Variants in FAT4 observed in about 807,000 individuals in gnomAD.
FAT4 encodes FAT atypical cadherin 4.
Under a neutral mutation model 303.9 loss-of-function variants are expected in FAT4, and 84 were observed. The ratio of observed to expected loss-of-function variants is 0.28; its 90% CI spans 0.23 to 0.33. The LOEUF (loss-of-function observed/expected upper bound fraction) is 0.33. FAT4 is among the 10% of genes least tolerant of loss of function. The pLI is 1.00. For synonymous variants in FAT4, 2,307 were observed against 2,298.8 expected, an observed-to-expected ratio of 1.00 and a Z score of -0.10; for missense variants, 6,005 against 6,146.8, an observed-to-expected ratio of 0.98 and a Z score of 0.77.
In FAT4 at chr4:125,316,925, C is replaced by T. The variant is rs372170599; in HGVS notation, c.514C>T (p.Arg172Cys). 1.5e-5 allele frequency: 24 copies of T among 1,613,788 alleles called. No individual in the cohort carries two copies. Among genetic ancestry groups the T allele is most frequent in the East Asian group, 2.2e-5 (1 of 44,878 alleles). Reference sequence around the variant, plus strand: ...CATCGGCTCAAACGGTGTGGACCACCGCTCCTACCGCATCATCCGCGGCAA... The same window carrying T: ...CATCGGCTCAAACGGTGTGGACCACTGCTCCTACCGCATCATCCGCGGCAA... ...SDIGSNGVDH[R>C]SYRIIRGNEA... The change falls in exon 2 of 18, where the codon CGC becomes TGC. Residue 172 changes from arginine to cysteine, a missense_variant. Arg to Cys is a radical substitution (Grantham distance 180). Coordinates refer to ENST00000394329, the MANE Select transcript of FAT4 (RefSeq NM_001291303.3). This position sits in a 1 kb window ranked among gnomAD's most constrained non-coding sequence, Gnocchi z 5.7.
Position 125,466,599 on chromosome 4 carries a change from A to G in FAT4, c.11906-1913A>G, listed in dbSNP as rs570897705. Among the ~76,000 whole-genome samples, 709 of 133,100 alleles carry G rather than the reference A, an allele frequency of 5.3e-3. 4 individuals carry two copies. Among genetic ancestry groups the G allele is most frequent in the Non-Finnish European group, 8.8e-3 (558 of 63,196 alleles). 87.3% of individuals were successfully genotyped at this position (133,100 alleles called of 152,430 possible). On this transcript the variant is annotated intron_variant, in intron 11 of 17. Transcript: ENST00000394329. Reference sequence around the variant, plus strand: ...ACAGAAATGTATAAAATACAAATACAAATTCTACAGGATAGATATAAGTAT... The same window carrying G: ...ACAGAAATGTATAAAATACAAATACGAATTCTACAGGATAGATATAAGTAT...
In FAT4 at chr4:125,398,955, T is replaced by C. The variant is rs569179408; in HGVS notation, c.5307+40T>C. 1,168 of 1,600,844 alleles carry C rather than the reference T, an allele frequency of 7.3e-4. 15 individuals are homozygous for C. In the South Asian group the frequency reaches 0.012, roughly 16 times the overall value. ...TCTCTGAATTTGTGAAACTTCGTAGTGCAGTGATTTATCAAATTTCTAGGA... is the reference window on the plus strand; with the variant it reads ...TCTCTGAATTTGTGAAACTTCGTAGCGCAGTGATTTATCAAATTTCTAGGA... On this transcript the variant is annotated intron_variant, in intron 3 of 17. Transcript: ENST00000394329.
intron 8 of FAT4, among the ~76,000 whole-genome samples, chr4:125,445,462 C>G (rs1388302458): frequency 6.6e-6 from 1 of 152,036 alleles, no homozygotes; most frequent in Non-Finnish European, 1.5e-5. Flanking sequence ...AAGAAGAAAA[C>G]TTTTAAAGAT....
chr4:125,316,921 C>T lies in FAT4; in HGVS notation c.510C>T (p.Asp170=). 1 of 1,613,942 alleles carries T rather than the reference C, an allele frequency of 6.2e-7. No individual in the cohort carries two copies. The change falls in exon 2 of 18, where the codon GAC becomes GAT. Residue 170 remains aspartate, a synonymous_variant. Transcript: ENST00000394329. The surrounding 1 kb of genome is among the most constrained non-coding windows in gnomAD (Gnocchi z 5.7). ...CGGACATCGGCTCAAACGGTGTGGACCACCGCTCCTACCGCATCATCCGCG... is the reference window on the plus strand; with the variant it reads ...CGGACATCGGCTCAAACGGTGTGGATCACCGCTCCTACCGCATCATCCGCG... ...TDSDIGSNGV[D]HRSYRIIRGN...
At chr4:125,441,802 C>T (rs1314746638) in intron 8 of FAT4, among the ~76,000 whole-genome samples, 1 of 152,142 alleles carries the variant, frequency 6.6e-6, no homozygotes, top group African/African-American at 2.4e-5. Context: ...CAACATATGG[C>T]CAAAAGTTCA....
chr4:125,448,909 G>C lies in FAT4; in HGVS notation c.7899G>C (p.Lys2633Asn), dbSNP rs763676237. The change falls in exon 10 of 18, where the codon AAG (lysine) becomes AAC (asparagine). Residue 2633 changes from lysine (K) to asparagine (N), a missense_variant. Lys to Asn is a moderately conservative substitution (Grantham distance 94). Coordinates refer to ENST00000394329, the MANE Select transcript of FAT4 (RefSeq NM_001291303.3). ...VSISQPLDFE[K>N]IQKYVVWIEA... Reference sequence around the variant, plus strand: ...TTAGTCAACCTCTGGATTTTGAAAAGATACAAAAATATGTTGTATGGATAG... The same window carrying C: ...TTAGTCAACCTCTGGATTTTGAAAACATACAAAAATATGTTGTATGGATAG... The C allele has an allele frequency of 1.9e-6, 3 of 1,611,964 alleles. No homozygotes were observed. The African/African-American group carries it at 4.0e-5, about 22-fold the overall frequency.
Position 125,416,589 on chromosome 4 carries a change from C to A in FAT4, c.6985C>A (p.Arg2329Ser), listed in dbSNP as rs148293496. The A allele has an allele frequency of 1.2e-6, 2 of 1,613,778 alleles. No individual in the cohort carries two copies. The highest frequency in any genetic ancestry group is 1.7e-6 in the Non-Finnish European group (2 of 1,179,828). Residue 2329 changes from arginine (R) to serine (S), a missense_variant, in exon 7 of 18, where the codon CGC becomes AGC. Transcript: ENST00000394329. Reference protein sequence around the residue: ...TQSLDRETKERFVLMITATDS... With the variant: ...TQSLDRETKESFVLMITATDS... ...GAGTCTGGATCGGGAAACAAAAGAG[C>A]GCTTTGTCTTAATGATTACAGCTAC...
At position 125,452,820 on chromosome 4, in the gene FAT4, C is replaced by A; in HGVS notation, c.11800+10C>A. On this transcript the variant is annotated intron_variant, in intron 10 of 17. Transcript: ENST00000394329. ...AAAACTGGATACACAGGTATGACAA[C>A]GTTTGTACTTTTCTCACTAAGACTT... The A allele has an allele frequency of 2.5e-6, 4 of 1,586,202 alleles. No individual in the cohort carries two copies. The highest frequency in any genetic ancestry group is 2.6e-6 in the Non-Finnish European group (3 of 1,166,128).
rs369893079 is a variant in FAT4 at position 125,406,960 on chromosome 4, G to A, written c.5388G>A (p.Leu1796=). Residue 1796 remains leucine, a synonymous_variant, in exon 4 of 18, where the codon CTG becomes CTA. Coordinates refer to ENST00000394329, the MANE Select transcript of FAT4 (RefSeq NM_001291303.3). ...GCATCGACCCAGAATCCGGAGATCTGATAGCAACCAGGCGGTTGGACAGGG... is the reference window on the plus strand; with the variant it reads ...GCATCGACCCAGAATCCGGAGATCTAATAGCAACCAGGCGGTTGGACAGGG... ...SFRIDPESGD[L]IATRRLDRER... is the part of the protein sequence containing the mutation. 1.9e-6 allele frequency: 3 copies of A among 1,613,758 alleles called. No individual in the cohort carries two copies. The highest frequency in any genetic ancestry group is 2.5e-6 in the Non-Finnish European group (3 of 1,179,888).
chr4:125,487,371 A>G lies in FAT4; in HGVS notation c.12849A>G (p.Thr4283=), dbSNP rs1414686092. Residue 4283 remains threonine, a synonymous_variant, in exon 17 of 18, where the codon ACA becomes ACG. Coordinates refer to ENST00000394329, the MANE Select transcript of FAT4 (RefSeq NM_001291303.3). Reference sequence around the variant, plus strand: ...TTAAGAATGGCAAAGTATATTTTACATCCGATGCAGGAATTGCTGGGAAAG... The same window carrying G: ...TTAAGAATGGCAAAGTATATTTTACGTCCGATGCAGGAATTGCTGGGAAAG... ...VKIKNGKVYF[T]SDAGIAGKVE... is the part of the protein sequence containing the mutation. 5.0e-6 allele frequency: 8 copies of G among 1,613,712 alleles called. No individual in the cohort carries two copies. Among genetic ancestry groups the G allele is most frequent in the African/African-American group, 1.3e-5 (1 of 75,044 alleles).
At chr4:125,407,559 C>G (rs1349466196) in intron 4 of FAT4, among the ~76,000 whole-genome samples, 1 of 151,898 alleles carries the variant, frequency 6.6e-6, no homozygotes, top group Non-Finnish European at 1.5e-5. Context: ...TAATTCATTT[C>G]TCTTAGTTTC....
At chr4:125,480,232 G>A (rs1455844843) in intron 15 of FAT4, among the ~76,000 whole-genome samples, 6 of 151,392 alleles carry the variant, frequency 4.0e-5, no homozygotes, top group South Asian at 2.1e-4. Flanking sequence ...GTGAATTTTT[G>A]TGCATAAAAA....
chr4:125,355,416 G>T (rs1182181321), intron 2 of FAT4, among the ~76,000 whole-genome samples: 1 of 151,900 alleles, frequency 6.6e-6, no homozygotes, highest in Non-Finnish European at 1.5e-5. Flanking sequence ...AATGCATGTA[G>T]GTAAATGGAA....
rs777384285 is a variant in FAT4, at chr4:125,321,504, G to A, written c.5093G>A (p.Arg1698Gln). The change falls in exon 2 of 18, where the codon CGG (arginine) becomes CAG (glutamine). Residue 1698 changes from arginine (R) to glutamine (Q), a missense_variant. By Grantham distance (43) the Arg-to-Gln change is conservative. Transcript: ENST00000394329. ...GIIQTAAILD[R>Q]EQGACLYLVD... ...ATTCAGACCGCAGCCATTCTGGACC[G>A]GGAGCAAGGAGCATGTCTTTACCTG... is the stretch of plus-strand genomic sequence containing the variant. 1.2e-5 allele frequency: 19 copies of A among 1,613,932 alleles called. No homozygotes were observed. The highest frequency in any genetic ancestry group is 1.6e-4 in the Middle Eastern group (1 of 6,084).
rs1194733742 is a variant in FAT4 at position 125,434,289 on chromosome 4, G to C, written c.7063G>C (p.Asp2355His). The change falls in exon 8 of 18, where the codon GAT (aspartate) becomes CAT (histidine). Residue 2355 changes from aspartate to histidine, a missense_variant. By Grantham distance (81) the Asp-to-His change is moderately conservative. Coordinates refer to ENST00000394329, the MANE Select transcript of FAT4 (RefSeq NM_001291303.3). The part of the protein sequence containing the change: ...TGTGTINVIV[D>H]DVNDNVPTFA... The stretch of plus-strand genomic sequence containing the variant: ...AACTGGAACAATCAACGTCATAGTA[G>C]ATGATGTCAATGACAATGTCCCCAC... The C allele has an allele frequency of 6.2e-7, 1 of 1,613,988 alleles. No homozygotes were observed. The highest frequency in any genetic ancestry group is 8.5e-7 in the Non-Finnish European group (1 of 1,179,924).
intron 11 of FAT4, 57 bp from the exon 12 acceptor site, chr4:125,468,455 T>C (rs954482030): frequency 1.2e-4 from 150 of 1,218,000 alleles, no homozygotes; most frequent in Non-Finnish European, 1.5e-4. Context: ...TTAATCAAAA[T>C]ATATAATAAA....
intron 2 of FAT4, among the ~76,000 whole-genome samples, chr4:125,394,860 T>C (rs1167188711): frequency 6.6e-6 from 1 of 152,200 alleles, no homozygotes; most frequent in Admixed American, 6.5e-5. Flanking sequence ...TTCCCAGGGA[T>C]GACTGCTTCT....
Position 125,451,657 on chromosome 4 carries a change from C to T in FAT4, c.10647C>T (p.Tyr3549=). ...LPPNQGPFTY[Y]LLSTGPATSY... ...CAAATCAAGGTCCCTTTACTTATTA[C>T]TTGCTGAGCACAGGTCCTGCCACCA... Residue 3549 remains tyrosine (Y), a synonymous_variant, in exon 10 of 18, where the codon TAC becomes TAT. Transcript: ENST00000394329. 1.2e-6 allele frequency: 2 copies of T among 1,614,162 alleles called. No individual in the cohort carries two copies. Among genetic ancestry groups the T allele is most frequent in the Non-Finnish European group, 1.7e-6 (2 of 1,180,018 alleles).
chr4:125,364,584 G>A (rs74965523), intron 2 of FAT4, among the ~76,000 whole-genome samples: 9,200 of 152,036 alleles, frequency 0.061, 424 homozygotes, highest in East Asian at 0.19. Context: ...ACTGCGATAC[G>A]AAGGATCGCT....
Sources: allele counts gnomAD v4.1 joint callset (sites outside exome capture counted in the v4.1 genomes callset), GRCh38; gene constraint gnomAD v4.1.1; non-coding constraint Gnocchi (gnomAD v3.1); transcripts MANE v1.5; gene names NCBI Gene and HGNC (gene_info 2026-07-23, HGNC 2026-07-21).